CELF2: variants seen among roughly 807,000 people sequenced by gnomAD.
CELF2 encodes the protein CUG triplet repeat RNA-binding protein 2.
A neutral mutation model predicts 62.6 loss-of-function variants in CELF2; 8 were observed. That is an observed-to-expected ratio of 0.13 (90% CI 0.07 to 0.23). CELF2 has a LOEUF of 0.23. Among genes scored for constraint, CELF2 ranks in the 10% least tolerant of loss-of-function variants. The pLI is 1.00. For synonymous variants in CELF2, 258 were observed against 250.0 expected (o/e 1.03, Z -0.30); for missense variants, 333 against 671.0 (o/e 0.50, Z 5.56).
chr10:11,051,801 T>C (rs1427935241), intron 1 of CELF2, among the ~76,000 whole-genome samples: 2 of 152,220 alleles, frequency 1.3e-5, no homozygotes, highest in East Asian at 1.9e-4. Flanking sequence ...TACCTTCACA[T>C]TGCCCACTAT....
chr10:10,618,339 T>G, the CELF2 span, among the ~76,000 whole-genome samples: 2 of 152,046 alleles, frequency 1.3e-5, no homozygotes, highest in Admixed American at 6.6e-5. Flanking sequence ...ATCTTAATCC[T>G]CCATGCCTCT....
intron 2 of CELF2, among the ~76,000 whole-genome samples, chr10:10,973,162 C>T (rs1179646699): frequency 6.6e-6 from 1 of 151,768 alleles, no homozygotes; most frequent in African/African-American, 2.4e-5. Context: ...TGGTGGCGTG[C>T]ACCTGCAGTC....
At chr10:10,693,621 G>C in the CELF2 span, among the ~76,000 whole-genome samples, 2 of 151,012 alleles carry the variant, frequency 1.3e-5, no homozygotes. Context: ...GTAGAATTCG[G>C]CTGTGAATCC....
At chr10:11,043,840 T>A (rs574409014) in intron 1 of CELF2, among the ~76,000 whole-genome samples, 24 of 152,332 alleles carry the variant, frequency 1.6e-4, no homozygotes, top group African/African-American at 5.3e-4. Flanking sequence ...GATCCCCCAG[T>A]GGCTTCCTCG....
the CELF2 span, among the ~76,000 whole-genome samples, chr10:10,671,305 T>C: frequency 1.3e-5 from 2 of 152,076 alleles, no homozygotes; most frequent in Non-Finnish European, 2.9e-5. Flanking sequence ...TTCTAAATAA[T>C]TGTCTGGATC....
At chr10:10,818,546 C>CTTTTTTTT (rs3028992) in intron 1 of CELF2, among the ~76,000 whole-genome samples, 1 of 116,538 alleles carries the variant, frequency 8.6e-6, no homozygotes, top group Non-Finnish European at 1.7e-5. Context: ...TAAATATTTC[C>CTTTTTTTT]TTTTTTTTTT....
At position 10,947,998 on chromosome 10, in the gene CELF2, G is replaced by A. The variant is rs1210568197; in HGVS notation, c.89+27999G>A. On this transcript the variant is annotated intron_variant, in intron 2 of 13. Coordinates refer to the CELF2 transcript ENST00000636488. This position sits in a 1 kb window ranked among gnomAD's most constrained non-coding sequence, Gnocchi z 4.1. ...AATGAGAAAGCTGGATGTAGGTTTGGACACACTGTGTGGGTGCCCACTTTT... is the reference window on the plus strand; with the variant it reads ...AATGAGAAAGCTGGATGTAGGTTTGAACACACTGTGTGGGTGCCCACTTTT... 1.3e-5 allele frequency among the ~76,000 whole-genome samples: 2 copies of A among 152,188 alleles called. No individual in the cohort carries two copies. Among genetic ancestry groups the A allele is most frequent in the East Asian group, 1.9e-4 (1 of 5,196 alleles).
the CELF2 span, among the ~76,000 whole-genome samples, chr10:10,735,978 G>C: frequency 1.3e-5 from 2 of 152,084 alleles, no homozygotes; most frequent in Non-Finnish European, 2.9e-5. Flanking sequence ...GAATCACCCT[G>C]CACTAACTCG....
the CELF2 span, among the ~76,000 whole-genome samples, chr10:10,726,676 G>A: frequency 9.9e-5 from 15 of 152,116 alleles, no homozygotes; most frequent in Admixed American, 9.2e-4. Flanking sequence ...TTTACTTTGG[G>A]GGGAAAATGT....
chr10:10,818,707 G>C (rs1244350714), intron 1 of CELF2, among the ~76,000 whole-genome samples: 2 of 151,996 alleles, frequency 1.3e-5, no homozygotes, highest in Non-Finnish European at 2.9e-5. Flanking sequence ...CCATCATGGG[G>C]TTATGCCATG....
intron 5 of CELF2, among the ~76,000 whole-genome samples, chr10:11,265,961 G>A (rs148626001): frequency 1.3e-5 from 2 of 152,234 alleles, no homozygotes; most frequent in African/African-American, 4.8e-5. Context: ...GAGTAATGGA[G>A]CATTTGTTTT....
the CELF2 span, among the ~76,000 whole-genome samples, chr10:10,487,119 A>G: frequency 6.6e-6 from 1 of 152,186 alleles, no homozygotes; most frequent in Admixed American, 6.5e-5. Flanking sequence ...GCTTCCTATG[A>G]TTTCTGTGAT....
At chr10:10,845,395 G>A (rs144705784) in intron 1 of CELF2, among the ~76,000 whole-genome samples, 204 of 149,156 alleles carry the variant, frequency 1.4e-3, no homozygotes, top group African/African-American at 4.7e-3. Flanking sequence ...GATAGTATCT[G>A]TGGAAACTCC....
At chr10:10,492,709 T>C in the CELF2 span, among the ~76,000 whole-genome samples, 1 of 152,138 alleles carries the variant, frequency 6.6e-6, no homozygotes. Context: ...ATAAATACAA[T>C]GAAGTATCAG....
intron 2 of CELF2, among the ~76,000 whole-genome samples, chr10:10,948,676 T>C (rs1366169836): frequency 6.6e-6 from 1 of 152,172 alleles, no homozygotes; most frequent in African/African-American, 2.4e-5. Flanking sequence ...CTCCATGGTT[T>C]CCTTTCTGCA....
chr10:10,697,280 A>C, the CELF2 span, among the ~76,000 whole-genome samples: 3 of 152,156 alleles, frequency 2.0e-5, no homozygotes, highest in Non-Finnish European at 4.4e-5. Flanking sequence ...GGATGTTTGC[A>C]ATGGGACAGA....
At chr10:11,083,403 C>A (rs61830425) in intron 1 of CELF2, among the ~76,000 whole-genome samples, 2,968 of 152,074 alleles carry the variant, frequency 0.02, 42 homozygotes, top group Non-Finnish European at 0.029. Context: ...ATAACAGGGA[C>A]GGGAAGAGGC....
chr10:10,575,618 C>T, the CELF2 span, among the ~76,000 whole-genome samples: 23 of 152,152 alleles, frequency 1.5e-4, no homozygotes, highest in African/African-American at 5.1e-4. Flanking sequence ...ACATCAAATA[C>T]GTGCAGTCTG....
chr10:10,952,059 G>A (rs2048377818), intron 2 of CELF2: 2 of 152,268 alleles, frequency 1.3e-5, no homozygotes, highest in Admixed American at 6.5e-5. Context: ...CCCACTGCCC[G>A]AGCATCATGT....
Sources: allele counts gnomAD v4.1 joint callset (sites outside exome capture counted in the v4.1 genomes callset), GRCh38; gene constraint gnomAD v4.1.1; non-coding constraint Gnocchi (gnomAD v3.1); transcripts MANE v1.5; gene names NCBI Gene and HGNC (gene_info 2026-07-23, HGNC 2026-07-21).